The following ECI2 variants were observed in gnomAD, a reference collection of about 807,000 sequenced individuals.
ECI2 encodes the protein D3,D2-enoyl-CoA isomerase.
Under a neutral mutation model 38.4 loss-of-function variants are expected in ECI2, and 27 were observed. That is an observed-to-expected ratio of 0.70 (90% CI 0.52 to 0.97). ECI2 has a LOEUF of 0.97. ECI2 is among the 50% of genes least tolerant of loss of function. The probability of loss-of-function intolerance (pLI) is 0.00; values close to 1 mark genes in which losing one functional copy is unlikely to be tolerated. For missense variants in ECI2, 470 were observed against 474.4 expected, an observed-to-expected ratio of 0.99 and a Z score of 0.09; for synonymous variants, 168 against 172.0, an observed-to-expected ratio of 0.98 and a Z score of 0.18.
rs1341124225 is a variant in ECI2 at position 4,130,516 on chromosome 6, A to T, written c.357T>A (p.Ser119Arg). ...QNYVDLVSSLSPSLESSSQVE... is the reference protein window; with the variant it reads ...QNYVDLVSSLRPSLESSSQVE... ...CCTGACTAGAGGATTCCAATGAAGGACTCAAACTGGACACCAAATCCACAT... is the reference window on the plus strand; with the variant it reads ...CCTGACTAGAGGATTCCAATGAAGGTCTCAAACTGGACACCAAATCCACAT... Residue 119 changes from serine to arginine, a missense_variant, in exon 4 of 10, where the codon AGT becomes AGA. By Grantham distance (110) the Ser-to-Arg change is moderately radical. Transcript: ENST00000380118. The T allele has an allele frequency of 6.2e-7, 1 of 1,614,208 alleles. No individual in the cohort carries two copies. Among genetic ancestry groups the T allele is most frequent in the Non-Finnish European group, 8.5e-7 (1 of 1,180,034 alleles).
chr6:4,121,896 A>G, intron 7 of ECI2: 1 of 1,015,246 alleles, frequency 9.8e-7, no homozygotes, highest in Non-Finnish European at 1.4e-6. Context: ...AATAATCACA[A>G]TATTTTTAAA....
At chr6:4,123,326 G>A (rs1048410950) in intron 7 of ECI2, among the ~76,000 whole-genome samples, 9 of 151,638 alleles carry the variant, frequency 5.9e-5, no homozygotes, top group Admixed American at 2.0e-4. Flanking sequence ...ACAGACACCC[G>A]CCACCAAGCC....
At chr6:4,133,222 T>C (rs1773574340) in intron 2 of ECI2, among the ~76,000 whole-genome samples, 1 of 152,210 alleles carries the variant, frequency 6.6e-6, no homozygotes, top group Non-Finnish European at 1.5e-5. Flanking sequence ...ACTCTGTCCT[T>C]ACTCAAAACT....
rs755706050 is a variant in ECI2, at chr6:4,115,997, T to C, written c.1062A>G (p.Lys354=). ...CAGCGTGTAGTTTTTCTCTCTCTCT[T>C]TTCCTGATTACCTCTTTTGAAATTC... The part of the protein sequence containing the change: ...ALRISKEVIR[K]REREKLHAVN... The change falls in exon 10 of 10, where the codon AAA becomes AAG. Residue 354 remains lysine, a synonymous_variant. Coordinates refer to ENST00000380118, the MANE Select transcript of ECI2 (RefSeq NM_206836.3). 2 of 1,613,788 alleles carry C rather than the reference T, an allele frequency of 1.2e-6. No homozygotes were observed. The highest frequency in any genetic ancestry group is 3.3e-5 in the Admixed American group (2 of 59,932).
Position 4,119,193 on chromosome 6 carries a change from G to A in ECI2, c.878C>T (p.Pro293Leu). 3 of 1,612,042 alleles carry A rather than the reference G, an allele frequency of 1.9e-6. No individual in the cohort carries two copies. Among genetic ancestry groups the A allele is most frequent in the Middle Eastern group, 1.7e-4 (1 of 6,056 alleles). ...SSYTFPKIMS[P>L]AKATEMLIFG... ...AAACATTCCAAAAGTTACCTTGGCTGGGCTCATTATCTTCGGAAAAGTGTA... is the reference window on the plus strand; with the variant it reads ...AAACATTCCAAAAGTTACCTTGGCTAGGCTCATTATCTTCGGAAAAGTGTA... The change falls in exon 8 of 10, where the codon CCA becomes CTA. Residue 293 changes from proline (P) to leucine (L), a missense_variant. By Grantham distance (98) the Pro-to-Leu change is moderately conservative (BLOSUM62 -3). Coordinates refer to ENST00000380118, the MANE Select transcript of ECI2 (RefSeq NM_206836.3).
intron 7 of ECI2, chr6:4,122,015 C>G (rs643232): frequency 6.9e-6 from 11 of 1,601,616 alleles, no homozygotes; most frequent in Non-Finnish European, 7.7e-6. Flanking sequence ...AACTGAGAAA[C>G]CTGCCAACAA....
intron 1 of ECI2, 190 bp downstream of exon 1, chr6:4,135,321 C>A (rs1425939849): frequency 6.9e-7 from 1 of 1,452,636 alleles, no homozygotes; most frequent in Admixed American, 2.3e-5. Flanking sequence ...CCACTCCGGG[C>A]CCAGCGGTGC....
chr6:4,117,324 G>C lies in ECI2; in HGVS notation c.1013C>G (p.Ala338Gly). The stretch of plus-strand genomic sequence containing the variant: ...AATACTAACATTTGGGGGAAGCTTT[G>C]CAAATGCCTTCAGCCTGGTCCAGAC... Reference protein sequence around the residue: ...KEVWTRLKAFAKLPPNALRIS... With the variant: ...KEVWTRLKAFGKLPPNALRIS... The change falls in exon 9 of 10, where the codon GCA becomes GGA. Residue 338 changes from alanine (A) to glycine (G), a missense_variant. Physicochemically the swap from Ala to Gly is moderately conservative, Grantham distance 60 (BLOSUM62 0). Transcript: ENST00000380118. 2 of 1,602,810 alleles carry C rather than the reference G, an allele frequency of 1.2e-6. No homozygotes were observed. Among genetic ancestry groups the C allele is most frequent in the Non-Finnish European group, 1.7e-6 (2 of 1,177,124 alleles).
At chr6:4,123,935 T>C (rs1288726970) in intron 7 of ECI2, among the ~76,000 whole-genome samples, 4 of 151,864 alleles carry the variant, frequency 2.6e-5, no homozygotes, top group Non-Finnish European at 1.5e-5. Flanking sequence ...CATTCCAGCT[T>C]GGGTGACAGA....
At chr6:4,122,332 T>C (rs907524582) in intron 7 of ECI2, among the ~76,000 whole-genome samples, 1 of 151,962 alleles carries the variant, frequency 6.6e-6, no homozygotes, top group Admixed American at 6.6e-5. Context: ...GCGATTCTCC[T>C]GCCTCAGCCT....
rs1772215372 is a variant in ECI2 at position 4,115,749 on chromosome 6, T to C, written c.*125A>G. 7.3e-7 allele frequency: 1 copy of C among 1,363,492 alleles called. No individual in the cohort carries two copies. Among genetic ancestry groups the C allele is most frequent in the African/African-American group, 1.4e-5 (1 of 69,180 alleles). The allele number at this position is 1,363,492 out of a possible 1,614,324, so 84.5% of individuals were successfully genotyped here. On this transcript the variant is annotated 3_prime_UTR_variant, in exon 10 of 10. Transcript: ENST00000380118. Reference sequence around the variant, plus strand: ...TATTCATCAGAGCTGTAGTGAAATATCATCATTGTAATTGATATTCTAGCA... The same window carrying C: ...TATTCATCAGAGCTGTAGTGAAATACCATCATTGTAATTGATATTCTAGCA...
intron 7 of ECI2, among the ~76,000 whole-genome samples, chr6:4,123,990 T>C (rs1473451920): frequency 1.9e-4 from 29 of 151,988 alleles, no homozygotes; most frequent in Admixed American, 1.9e-3. Flanking sequence ...GGATGATGTA[T>C]ATTGAAAGTA....
At chr6:4,117,634 G>C (rs1236152057) in intron 8 of ECI2, 183 bp from the exon 9 acceptor site, 3 of 733,840 alleles carry the variant, frequency 4.1e-6, no homozygotes, top group Admixed American at 3.4e-5. Flanking sequence ...GCTGAGACAG[G>C]CTCCTGGGAA....
intron 9 of ECI2, 26 bp downstream of exon 9, chr6:4,117,282 C>G (rs776514196): frequency 5.7e-6 from 9 of 1,569,434 alleles, no homozygotes. Context: ...TTTCAAGGTT[C>G]TTAGAAGTAA....
At position 4,130,881 on chromosome 6, in the gene ECI2, G is replaced by C; in HGVS notation, c.214-16C>G. 1 of 1,611,224 alleles carries C rather than the reference G, an allele frequency of 6.2e-7. No individual in the cohort carries two copies. Among genetic ancestry groups the C allele is most frequent in the Non-Finnish European group, 8.5e-7 (1 of 1,178,394 alleles). On this transcript the variant is annotated splice_polypyrimidine_tract_variant and intron_variant, in intron 2 of 9. Transcript: ENST00000380118. ...CTTCAGTGGCCTGTGAAAAGGAGAG[G>C]GGCAATATGTTCAAATGTCCATGTA...
At chr6:4,131,875 CAAAAGAA>C (rs146584772) in intron 2 of ECI2, among the ~76,000 whole-genome samples, 40,285 of 151,162 alleles carry the variant, frequency 0.27, 7,481 homozygotes, top group African/African-American at 0.53. Flanking sequence ...AAAATAAAAA[CAAAAGAA>C]AAAAGAAAAA....
At chr6:4,127,508 A>G (rs1773248622) in intron 5 of ECI2, among the ~76,000 whole-genome samples, 1 of 138,096 alleles carries the variant, frequency 7.2e-6, no homozygotes, top group Non-Finnish European at 1.5e-5. Context: ...TTTGCCTTCC[A>G]GGTTCAAGTG....
At chr6:4,119,601 G>A (rs552995707) in intron 7 of ECI2, among the ~76,000 whole-genome samples, 34 of 152,268 alleles carry the variant, frequency 2.2e-4, no homozygotes, top group African/African-American at 7.5e-4. Flanking sequence ...GATCACAGGC[G>A]TGAGCCACCA....
chr6:4,119,221 A>G lies in ECI2; in HGVS notation c.850T>C (p.Ser284Pro). Residue 284 changes from serine (S) to proline (P), a missense_variant, in exon 8 of 10, where the codon TCT becomes CCT. Ser to Pro is a moderately conservative substitution (Grantham distance 74). Coordinates refer to ENST00000380118, the MANE Select transcript of ECI2 (RefSeq NM_206836.3). ...CTCATTATCTTCGGAAAAGTGTAAG[A>G]GGAGCATCCTTCCGGACTTTGGCCT... Reference protein sequence around the residue: ...HLGQSPEGCSSYTFPKIMSPA... With the variant: ...HLGQSPEGCSPYTFPKIMSPA... 1 of 1,613,896 alleles carries G rather than the reference A, an allele frequency of 6.2e-7. No homozygotes were observed. Among genetic ancestry groups the G allele is most frequent in the Non-Finnish European group, 8.5e-7 (1 of 1,179,866 alleles).
Sources: gnomAD v4.1 joint callset for allele counts (sites outside exome capture counted in the v4.1 genomes callset) on GRCh38, gnomAD v4.1.1 for gene constraint, MANE v1.5 for transcripts, NCBI Gene and HGNC (gene_info 2026-07-23, HGNC 2026-07-21) for gene names.